The following AGR2 variants were observed in gnomAD, a reference collection of about 807,000 sequenced individuals.
AGR2 encodes anterior gradient 2, protein disulphide isomerase family member, also known as anterior gradient protein 2 homolog.
In AGR2, 27 loss-of-function variants were observed where a neutral mutation model predicts 25.9. The observed-to-expected ratio is 1.04, with a 90% CI of 0.77 to 1.44. The LOEUF (loss-of-function observed/expected upper bound fraction) is 1.44. Among genes scored for constraint, AGR2 ranks in the 40% most tolerant of loss-of-function variants. AGR2 has a pLI of 0.00. For synonymous variants in AGR2, 78 were observed against 72.0 expected (o/e 1.08, Z -0.42); for missense variants, 182 against 200.9 (o/e 0.91, Z 0.57).
At chr7:16,804,664 G>A (rs3817509) in intron 1 of AGR2, among the ~76,000 whole-genome samples, 25,516 of 151,998 alleles carry the variant, frequency 0.17, 2,331 homozygotes, top group South Asian at 0.27. Context: ...AAAAATCCTA[G>A]GATTCACCTA....
intron 6 of AGR2, 116 bp from the exon 7 acceptor site, chr7:16,795,135 G>A (rs1361718147): frequency 1.8e-6 from 2 of 1,116,866 alleles, no homozygotes; most frequent in African/African-American, 1.5e-5. Context: ...AATGGAGTGT[G>A]TCTGCACTCA....
intron 1 of AGR2, among the ~76,000 whole-genome samples, chr7:16,802,034 T>G (rs868374042): frequency 6.6e-6 from 1 of 151,626 alleles, no homozygotes; most frequent in African/African-American, 2.4e-5. Context: ...CTGAAAATAT[T>G]GCAAGTCAAA....
In AGR2 at chr7:16,793,301, G is replaced by A. The variant is rs554549453; in HGVS notation, c.479-344C>T. Among the ~76,000 whole-genome samples the A allele has an allele frequency of 4.0e-4, 61 of 152,204 alleles. 1 individual carries two copies. The highest frequency in any genetic ancestry group is 1.4e-3 in the African/African-American group (59 of 41,522). Reference sequence around the variant, plus strand: ...TGAGCTCAAGTGATCCACACACCTCGGCCTCCCAAAGTGCTGGGATTACAG... The same window carrying A: ...TGAGCTCAAGTGATCCACACACCTCAGCCTCCCAAAGTGCTGGGATTACAG... On this transcript the variant is annotated intron_variant, in intron 7 of 7. Transcript: ENST00000419304.
chr7:16,798,720 A>C (rs1337172176), intron 5 of AGR2, among the ~76,000 whole-genome samples: 1 of 152,168 alleles, frequency 6.6e-6, no homozygotes, highest in Non-Finnish European at 1.5e-5. Flanking sequence ...TAGAGAAGTG[A>C]CTAGTAGCAG....
At chr7:16,799,702 G>T in intron 5 of AGR2, 42 bp downstream of exon 5, 1 of 1,402,546 alleles carries the variant, frequency 7.1e-7, no homozygotes, top group Non-Finnish European at 1.0e-6. Flanking sequence ...TTCAAGTAAT[G>T]AGCCATAGAG....
intron 1 of AGR2, among the ~76,000 whole-genome samples, chr7:16,802,562 GT>G (rs751151202): frequency 6.6e-6 from 1 of 152,108 alleles, no homozygotes; most frequent in Non-Finnish European, 1.5e-5. Context: ...AACCAGAATG[GT>G]TATATGGATA....
chr7:16,797,692 A>G lies in AGR2; in HGVS notation c.333T>C (p.Tyr111=). Residue 111 remains tyrosine, a splice_region_variant and synonymous_variant, in exon 6 of 8, where the codon TAT becomes TAC. Coordinates refer to ENST00000419304, the MANE Select transcript of AGR2 (RefSeq NM_006408.4). ...AEQFVLLNLV[Y]ETTDKHLSPD... Reference sequence around the variant, plus strand: ...GAGAAAGGTGTTTGTCAGTTGTTTCATACTAAAATAAAAAGAAAAGCATCT... The same window carrying G: ...GAGAAAGGTGTTTGTCAGTTGTTTCGTACTAAAATAAAAAGAAAAGCATCT... 1.2e-6 allele frequency: 2 copies of G among 1,613,042 alleles called. No individual in the cohort carries two copies. The highest frequency in any genetic ancestry group is 2.2e-5 in the East Asian group (1 of 44,876).
chr7:16,804,592 G>A (rs987297601), intron 1 of AGR2, among the ~76,000 whole-genome samples: 8 of 152,170 alleles, frequency 5.3e-5, no homozygotes, highest in Admixed American at 6.5e-5. Flanking sequence ...GCTTTAGCCC[G>A]TGGGAAAGAA....
At chr7:16,797,567 G>T in intron 6 of AGR2, 64 bp downstream of exon 6, 2 of 1,450,978 alleles carry the variant, frequency 1.4e-6, no homozygotes, top group Non-Finnish European at 1.9e-6. Context: ...CAGTGGGGAG[G>T]AGAGAAGGAG....
chr7:16,797,858 A>G (rs1281242480), intron 5 of AGR2, among the ~76,000 whole-genome samples, 164 bp from the exon 6 acceptor site: 1 of 152,212 alleles, frequency 6.6e-6, no homozygotes, highest in Non-Finnish European at 1.5e-5. Context: ...ACAAGCATGA[A>G]ATAATAAATA....
At chr7:16,804,801 T>G (rs1271993151) in intron 1 of AGR2, 134 bp downstream of exon 1, 1 of 152,274 alleles carries the variant, frequency 6.6e-6, no homozygotes, top group Admixed American at 6.5e-5. Context: ...ATGATTTCCC[T>G]TCCGTATCCT....
chr7:16,794,857 A>C (rs1444997447), intron 7 of AGR2, 79 bp downstream of exon 7: 1 of 1,602,298 alleles, frequency 6.2e-7, no homozygotes. Context: ...TCACCTCACC[A>C]TGCAGCCTCT....
intron 7 of AGR2, 191 bp downstream of exon 7, chr7:16,794,745 A>G: frequency 7.1e-7 from 1 of 1,408,136 alleles, no homozygotes; most frequent in Non-Finnish European, 9.4e-7. Flanking sequence ...AATTGAGATT[A>G]AAAACAAACA....
chr7:16,793,709 C>G (rs563808129), intron 7 of AGR2, among the ~76,000 whole-genome samples: 1 of 152,194 alleles, frequency 6.6e-6, no homozygotes, highest in Non-Finnish European at 1.5e-5. Flanking sequence ...CATAATGAAA[C>G]AGGCAGAGAG....
intron 7 of AGR2, among the ~76,000 whole-genome samples, chr7:16,794,314 T>G (rs1265086077): frequency 1.3e-5 from 2 of 152,230 alleles, no homozygotes; most frequent in African/African-American, 4.8e-5. Context: ...CACTACTAAT[T>G]GATCAGAGTT....
rs551984166 is a variant in AGR2 at position 16,795,257 on chromosome 7, C to G, written c.395-238G>C. 4.6e-5 allele frequency among the ~76,000 whole-genome samples: 7 copies of G among 151,838 alleles called. No homozygotes were observed. In the South Asian group the frequency reaches 1.3e-3, roughly 27 times the overall value. Reference sequence around the variant, plus strand: ...GCTATTTGTGGAAAAGGTTATGAACCCTTCTGTTCTATCTATGGCAACCTG... The same window carrying G: ...GCTATTTGTGGAAAAGGTTATGAACGCTTCTGTTCTATCTATGGCAACCTG... On this transcript the variant is annotated intron_variant, in intron 6 of 7. Transcript: ENST00000419304.
chr7:16,804,267 TACACACACAC>T (rs113991647), intron 1 of AGR2, among the ~76,000 whole-genome samples: 3 of 107,588 alleles, frequency 2.8e-5, no homozygotes, highest in Non-Finnish European at 4.3e-5. Context: ...CAGACATAGG[TACACACACAC>T]ACACACACAC....
intron 1 of AGR2, among the ~76,000 whole-genome samples, chr7:16,803,960 A>C (rs200775924): frequency 6.9e-6 from 1 of 144,476 alleles, no homozygotes; most frequent in East Asian, 2.6e-4. Context: ...ATGGTAAGGC[A>C]TTTTTATTTA....
intron 6 of AGR2, 70 bp from the exon 7 acceptor site, chr7:16,795,089 G>A (rs1305387904): frequency 2.0e-6 from 3 of 1,533,378 alleles, no homozygotes; most frequent in East Asian, 2.3e-5. Flanking sequence ...TATTGCCCCG[G>A]GGAGCTGAAG....
Sources: gnomAD v4.1 joint callset for allele counts (sites outside exome capture counted in the v4.1 genomes callset) on GRCh38, gnomAD v4.1.1 for gene constraint, MANE v1.5 for transcripts, NCBI Gene and HGNC (gene_info 2026-07-23, HGNC 2026-07-21) for gene names.